F13A1: variants seen among roughly 807,000 people sequenced by gnomAD.
F13A1 encodes the protein coagulation factor XIII A chain.
In F13A1, 47 loss-of-function variants were observed where a neutral mutation model predicts 80.1. That is an observed-to-expected ratio of 0.59 (90% CI 0.46 to 0.75). The LOEUF (loss-of-function observed/expected upper bound fraction) is 0.75, where lower values mean the gene tolerates loss of function less well. F13A1 is among the 30% of genes least tolerant of loss of function. The probability of loss-of-function intolerance (pLI) is 0.00; values close to 1 mark genes in which losing one functional copy is unlikely to be tolerated. For synonymous variants in F13A1, 349 were observed against 344.9 expected (o/e 1.01, Z -0.13); for missense variants, 817 against 930.4 (o/e 0.88, Z 1.59).
chr6:6,249,403 A>T (rs1477738003), intron 5 of F13A1, among the ~76,000 whole-genome samples: 2 of 152,234 alleles, frequency 1.3e-5, no homozygotes, highest in African/African-American at 4.8e-5. Flanking sequence ...TGGGCAGGAT[A>T]GCAACTAACT....
At chr6:6,225,100 A>G (rs945346540) in intron 6 of F13A1, among the ~76,000 whole-genome samples, 1 of 152,236 alleles carries the variant, frequency 6.6e-6, no homozygotes, top group African/African-American at 2.4e-5. Flanking sequence ...TAGCAAGGCA[A>G]AGTTGAACGG....
At chr6:6,302,005 A>G (rs1403461289) in intron 3 of F13A1, among the ~76,000 whole-genome samples, 1 of 152,218 alleles carries the variant, frequency 6.6e-6, no homozygotes, top group Non-Finnish European at 1.5e-5. Flanking sequence ...AGATCTCCCC[A>G]GTAAACTTTC....
intron 13 of F13A1, among the ~76,000 whole-genome samples, chr6:6,161,008 C>T (rs1040742940): frequency 2.0e-5 from 3 of 152,142 alleles, no homozygotes; most frequent in African/African-American, 7.2e-5. Context: ...TGACATCCTG[C>T]AAAGGCTGCA....
chr6:6,165,567 T>G (rs745692323), intron 13 of F13A1, among the ~76,000 whole-genome samples: 1 of 152,038 alleles, frequency 6.6e-6, no homozygotes, highest in Non-Finnish European at 1.5e-5. Context: ...TCAGGGAAGG[T>G]TCAGGGTTGA....
rs1288121814 is a variant in F13A1, at chr6:6,297,662, C to T, written c.319+7689G>A. On this transcript the variant is annotated intron_variant, in intron 3 of 14. Coordinates refer to ENST00000264870, the MANE Select transcript of F13A1 (RefSeq NM_000129.4). ...TTTTTTTCTTTATTAGTCTTGTTAG[C>T]GGTCTATCAATTTTGTTGATCCTTT... Among the ~76,000 whole-genome samples, 38 of 149,120 alleles carry T rather than the reference C, an allele frequency of 2.5e-4. 1 individual carries two copies. The highest frequency in any genetic ancestry group is 4.9e-4 in the Non-Finnish European group (33 of 67,866).
chr6:6,303,708 G>A (rs190490544), intron 3 of F13A1, among the ~76,000 whole-genome samples: 9 of 152,088 alleles, frequency 5.9e-5, no homozygotes, highest in Non-Finnish European at 2.9e-5. Flanking sequence ...TATACAGAAA[G>A]ACTTCCCACT....
At chr6:6,210,324 G>GATATATAGATATATATATAT (rs1554100762) in intron 8 of F13A1, among the ~76,000 whole-genome samples, 1 of 82,906 alleles carries the variant, frequency 1.2e-5, no homozygotes, top group Non-Finnish European at 2.3e-5. Context: ...TGTAGCATGT[G>GATATATAGATATATATATAT]ATATATATAT....
At chr6:6,228,931 T>C (rs1448437330) in intron 6 of F13A1, among the ~76,000 whole-genome samples, 5 of 152,126 alleles carry the variant, frequency 3.3e-5, no homozygotes, top group African/African-American at 1.2e-4. Context: ...GGGTGGGTTC[T>C]GGAGTGACAG....
intron 8 of F13A1, among the ~76,000 whole-genome samples, chr6:6,210,793 A>G (rs1002867167): frequency 1.3e-5 from 2 of 152,056 alleles, no homozygotes; most frequent in Non-Finnish European, 2.9e-5. Flanking sequence ...CAGTGGCATG[A>G]TCTTGGCTTA....
At position 6,228,903 on chromosome 6, in the gene F13A1, A is replaced by C. The variant is rs140207786; in HGVS notation, c.799-4043T>G. 3.7e-3 allele frequency among the ~76,000 whole-genome samples: 564 copies of C among 152,300 alleles called. 5 individuals carry two copies. The highest frequency in any genetic ancestry group is 0.012 in the African/African-American group (519 of 41,560). On this transcript the variant is annotated intron_variant, in intron 6 of 14. Transcript: ENST00000264870. The stretch of plus-strand genomic sequence containing the variant: ...GAGCGTATCCCCCAATGGAACTGAG[A>C]TATGCCTCCAGTTGTGGGGGTGGGT...
At position 6,318,493 on chromosome 6, in the gene F13A1, T is replaced by A. The variant is rs1206599182; in HGVS notation, c.130+42A>T. 3 of 1,590,802 alleles carry A rather than the reference T, an allele frequency of 1.9e-6. No individual in the cohort carries two copies. The African/African-American group carries it at 4.1e-5, about 22-fold the overall frequency. On this transcript the variant is annotated intron_variant, in intron 2 of 14. Coordinates refer to ENST00000264870, the MANE Select transcript of F13A1 (RefSeq NM_000129.4). ...GGGAAGAGGGGCCAGGGCCCGGCTG[T>A]GCCTGGACCCAGAGTGGTGGGGAAG...
chr6:6,211,776 C>T (rs966829619), intron 8 of F13A1, among the ~76,000 whole-genome samples: 3 of 152,376 alleles, frequency 2.0e-5, no homozygotes, highest in African/African-American at 7.2e-5. Flanking sequence ...CCGGGTTCAT[C>T]TCACTAGGGA....
chr6:6,146,192 C>G (rs2151066763), intron 14 of F13A1, among the ~76,000 whole-genome samples: 1 of 152,324 alleles, frequency 6.6e-6, no homozygotes, highest in Non-Finnish European at 1.5e-5. Flanking sequence ...TATGAATCCC[C>G]CAGCTGCCTT....
rs1389875258 is a variant in F13A1, at chr6:6,162,358, GTC to G, written c.1908+5098_1908+5099del. Among the ~76,000 whole-genome samples, 1 of 152,132 alleles carries G rather than the reference GTC, an allele frequency of 6.6e-6. No individual in the cohort carries two copies. The highest frequency in any genetic ancestry group is 2.4e-5 in the African/African-American group (1 of 41,420). ...CATTTTCTTCCTAGTATCTGAAGGG[GTC>G]TCTCCATCCATCTCTACTGGTTGAA... is the stretch of plus-strand genomic sequence containing the variant. On this transcript the variant is annotated intron_variant, in intron 13 of 14. Coordinates refer to ENST00000264870, the MANE Select transcript of F13A1 (RefSeq NM_000129.4). This position sits in a 1 kb window ranked among gnomAD's most constrained non-coding sequence, Gnocchi z 4.2.
At position 6,224,815 on chromosome 6, in the gene F13A1, T is replaced by C. The variant is rs760143900; in HGVS notation, c.844A>G (p.Asn282Asp). The change falls in exon 7 of 15, where the codon AAT becomes GAT. Residue 282 changes from asparagine (N) to aspartate (D), a missense_variant. By Grantham distance (23) the Asn-to-Asp change is conservative. Coordinates refer to ENST00000264870, the MANE Select transcript of F13A1 (RefSeq NM_000129.4). ...DEGVLVGSWD[N>D]IYAYGVPPSA... ...GGGGGGACGCCATAGGCATAGATAT[T>C]GTCCCAGGATCCAACGAGGACACCT... is the stretch of plus-strand genomic sequence containing the variant. 1.9e-6 allele frequency: 3 copies of C among 1,614,102 alleles called. No homozygotes were observed. In the South Asian group the frequency reaches 3.3e-5, roughly 18 times the overall value.
At chr6:6,189,869 C>T (rs1175142941) in intron 10 of F13A1, among the ~76,000 whole-genome samples, 11 of 152,172 alleles carry the variant, frequency 7.2e-5, no homozygotes, top group East Asian at 3.9e-4. Flanking sequence ...ACCAGTGAGA[C>T]GTAGATTTGG....
chr6:6,160,326 T>C (rs1760551332), intron 13 of F13A1, among the ~76,000 whole-genome samples: 1 of 151,340 alleles, frequency 6.6e-6, no homozygotes, highest in African/African-American at 2.4e-5. Flanking sequence ...AATTTTTCTC[T>C]GATAATGTTT....
intron 3 of F13A1, among the ~76,000 whole-genome samples, chr6:6,291,777 C>T (rs1758227127): frequency 6.6e-6 from 1 of 152,172 alleles, no homozygotes; most frequent in African/African-American, 2.4e-5. Flanking sequence ...GCTTAAGCCT[C>T]AGTCCACTGC....
chr6:6,190,948 C>A (rs56676108), intron 10 of F13A1, among the ~76,000 whole-genome samples: 2 of 151,964 alleles, frequency 1.3e-5, no homozygotes, highest in Non-Finnish European at 2.9e-5. Context: ...TTAAGCCCGT[C>A]GGAAAAGCGC....
Sources: allele counts gnomAD v4.1 joint callset (sites outside exome capture counted in the v4.1 genomes callset), GRCh38; gene constraint gnomAD v4.1.1; non-coding constraint Gnocchi (gnomAD v3.1); transcripts MANE v1.5; gene names NCBI Gene and HGNC (gene_info 2026-07-23, HGNC 2026-07-21).